TCF7L2: variants seen among roughly 807,000 people sequenced by gnomAD.
TCF7L2 encodes transcription factor 7 like 2.
In TCF7L2, 23 loss-of-function variants were observed where a neutral mutation model predicts 77.9. The observed-to-expected ratio is 0.30, with a 90% CI of 0.21 to 0.42. TCF7L2 has a LOEUF of 0.42. Among genes scored for constraint, TCF7L2 ranks in the 10% least tolerant of loss-of-function variants. TCF7L2 has a pLI of 1.00. For missense variants in TCF7L2, 654 were observed against 793.1 expected (o/e 0.82, Z 2.11); for synonymous variants, 413 against 340.2 (o/e 1.21, Z -2.36).
At chr10:113,087,543 G>A (rs962832686) in intron 5 of TCF7L2, among the ~76,000 whole-genome samples, 3 of 152,222 alleles carry the variant, frequency 2.0e-5, no homozygotes, top group Non-Finnish European at 2.9e-5. Context: ...ATGGACTCAT[G>A]CTTGCCGAAT....
chr10:113,157,820 G>C, intron 11 of TCF7L2: 2 of 546,980 alleles, frequency 3.7e-6, no homozygotes, highest in Non-Finnish European at 6.6e-6. Context: ...CTCCCAAGAA[G>C]CGTGTGTCCC....
chr10:113,134,633 T>A lies in TCF7L2; in HGVS notation c.553-6551T>A, dbSNP rs578206393. Among the ~76,000 whole-genome samples, 17 of 152,366 alleles carry A rather than the reference T, an allele frequency of 1.1e-4. No homozygotes were observed. The East Asian group carries it at 2.7e-3, about 24-fold the overall frequency. Reference sequence around the variant, plus strand: ...CCAACTTACCACATCTTCAGTGATGTGAAACTTTTATTAACGTTTTAGCGG... The same window carrying A: ...CCAACTTACCACATCTTCAGTGATGAGAAACTTTTATTAACGTTTTAGCGG... On this transcript the variant is annotated intron_variant, in intron 5 of 13. Coordinates refer to ENST00000627217, the MANE Select transcript of TCF7L2 (RefSeq NM_001146274.2).
intron 5 of TCF7L2, among the ~76,000 whole-genome samples, chr10:113,108,927 T>C (rs563814611): frequency 6.6e-6 from 1 of 152,352 alleles, no homozygotes; most frequent in African/African-American, 2.4e-5. Context: ...ATCTTAATTA[T>C]AGTATTCAGC....
At chr10:112,999,661 A>G (rs2044127701) in intron 4 of TCF7L2, among the ~76,000 whole-genome samples, 1 of 152,248 alleles carries the variant, frequency 6.6e-6, no homozygotes, top group African/African-American at 2.4e-5. Context: ...AATAAGGCGT[A>G]TGTAGAAAAC....
At chr10:113,094,216 C>T (rs751731004) in intron 5 of TCF7L2, among the ~76,000 whole-genome samples, 3 of 152,202 alleles carry the variant, frequency 2.0e-5, no homozygotes, top group South Asian at 2.1e-4. Context: ...GACACATAAA[C>T]AGGGAGTTAG....
At chr10:112,963,800 T>C (rs2296784) in intron 3 of TCF7L2, among the ~76,000 whole-genome samples, 58,128 of 152,040 alleles carry the variant, frequency 0.38, 15,008 homozygotes, top group African/African-American at 0.72. Context: ...AGGCTGAGGA[T>C]AGACTTAGAC....
At chr10:113,010,733 G>C (rs2046316692) in intron 4 of TCF7L2, among the ~76,000 whole-genome samples, 1 of 152,228 alleles carries the variant, frequency 6.6e-6, no homozygotes, top group African/African-American at 2.4e-5. Context: ...AAGAAATTAG[G>C]CTGGGCGTGG....
At chr10:113,163,010 A>T (rs1592509995) in intron 13 of TCF7L2, among the ~76,000 whole-genome samples, 1 of 116,370 alleles carries the variant, frequency 8.6e-6, no homozygotes, top group African/African-American at 2.9e-5. Flanking sequence ...AAATGTACTT[A>T]AAAAAAAAAA....
At position 113,001,465 on chromosome 10, in the gene TCF7L2, C is replaced by T. The variant is rs184002164; in HGVS notation, c.450+36841C>T. ...GAGAAGTGGCTGGCTGGCTGGGTTA[C>T]GGAGCCCACATCTCTAATGCCTTAG... On this transcript the variant is annotated intron_variant, in intron 4 of 13. Transcript: ENST00000627217. 1.7e-3 allele frequency among the ~76,000 whole-genome samples: 266 copies of T among 152,082 alleles called. 2 individuals carry two copies. Among genetic ancestry groups the T allele is most frequent in the Middle Eastern group, 6.8e-3 (2 of 294 alleles).
intron 4 of TCF7L2, among the ~76,000 whole-genome samples, chr10:112,976,975 CTTT>C (rs11321606): frequency 1.5e-4 from 21 of 143,270 alleles, no homozygotes; most frequent in Admixed American, 2.1e-4. Flanking sequence ...GCAATATTAC[CTTT>C]TTTTTTTTTT....
chr10:113,110,369 G>GTTTTTTTTTTTTTTTT, intron 5 of TCF7L2, among the ~76,000 whole-genome samples: 1 of 126,434 alleles, frequency 7.9e-6, no homozygotes, highest in Non-Finnish European at 1.6e-5. Flanking sequence ...GTCTACTGGG[G>GTTTTTTTTTTTTTTTT]TTTTTTTTTT....
intron 3 of TCF7L2, among the ~76,000 whole-genome samples, chr10:112,954,713 T>A (rs2134296993): frequency 6.6e-6 from 1 of 152,378 alleles, no homozygotes; most frequent in East Asian, 1.9e-4. Flanking sequence ...ACATTTCTTT[T>A]TCCCTCCTGG....
chr10:113,118,960 C>T (rs540162957), intron 5 of TCF7L2, among the ~76,000 whole-genome samples: 19 of 152,198 alleles, frequency 1.2e-4, no homozygotes, highest in Admixed American at 2.0e-4. Context: ...AATAGATTTA[C>T]CCTTGGCTTC....
intron 13 of TCF7L2, chr10:113,161,094 C>T (rs2073092837): frequency 3.7e-5 from 9 of 244,848 alleles, no homozygotes; most frequent in South Asian, 3.6e-4. Flanking sequence ...ATTGCATTCC[C>T]GTGCACTTAG....
chr10:113,090,990 C>T (rs1440452593), intron 5 of TCF7L2, among the ~76,000 whole-genome samples: 7 of 152,098 alleles, frequency 4.6e-5, no homozygotes, highest in Non-Finnish European at 7.4e-5. Flanking sequence ...TGACCTCCGC[C>T]TGCCAGCTTC....
intron 4 of TCF7L2, among the ~76,000 whole-genome samples, chr10:113,017,612 C>T (rs184654549): frequency 2.0e-5 from 3 of 152,316 alleles, no homozygotes; most frequent in East Asian, 1.9e-4. Context: ...AAGGCTGGTC[C>T]ACTGGAGACA....
chr10:112,951,750 G>A, intron 3 of TCF7L2, 143 bp downstream of exon 3: 1 of 275,662 alleles, frequency 3.6e-6, no homozygotes, highest in Non-Finnish European at 5.5e-6. Context: ...CCCCGCTCGT[G>A]GCCCAGGAGG....
At chr10:112,991,822 G>T (rs190018582) in intron 4 of TCF7L2, among the ~76,000 whole-genome samples, 1 of 152,124 alleles carries the variant, frequency 6.6e-6, no homozygotes. Context: ...TCTGCTTCCC[G>T]GCCCCACACT....
At chr10:113,123,237 G>T (rs1441503416) in intron 5 of TCF7L2, among the ~76,000 whole-genome samples, 2 of 152,210 alleles carry the variant, frequency 1.3e-5, no homozygotes, top group Non-Finnish European at 2.9e-5. Context: ...CGAGAGAGAG[G>T]CAGAGAAAGC....
Sources: gnomAD v4.1 joint callset for allele counts (sites outside exome capture counted in the v4.1 genomes callset) on GRCh38, gnomAD v4.1.1 for gene constraint, MANE v1.5 for transcripts, NCBI Gene and HGNC (gene_info 2026-07-23, HGNC 2026-07-21) for gene names.